Variants in STRBP observed in about 807,000 individuals in gnomAD.
STRBP encodes the protein spermatid perinuclear RNA-binding protein.
Under a neutral mutation model 80.1 loss-of-function variants are expected in STRBP, and 13 were observed. The ratio of observed to expected loss-of-function variants is 0.16; its 90% CI spans 0.11 to 0.26. STRBP has a LOEUF of 0.26. Among genes scored for constraint, STRBP ranks in the 10% least tolerant of loss-of-function variants. The pLI, the probability that STRBP is intolerant of heterozygous loss-of-function variation, is 1.00. For synonymous variants in STRBP, 284 were observed against 291.2 expected (o/e 0.98, Z 0.25); for missense variants, 485 against 815.2 (o/e 0.59, Z 4.93).
intron 6 of STRBP, among the ~76,000 whole-genome samples, chr9:123,167,898 T>C (rs1286408708): frequency 6.6e-6 from 1 of 151,846 alleles, no homozygotes; most frequent in Non-Finnish European, 1.5e-5. Flanking sequence ...GTTAAAGTTA[T>C]AAAGGCAACA....
At chr9:123,233,242 T>A (rs1168364519) in intron 2 of STRBP, among the ~76,000 whole-genome samples, 2 of 152,040 alleles carry the variant, frequency 1.3e-5, no homozygotes, top group East Asian at 3.9e-4. Flanking sequence ...CTGGCTAATT[T>A]CTTTATTTTT....
intron 8 of STRBP, among the ~76,000 whole-genome samples, 197 bp from the exon 9 acceptor site, chr9:123,159,404 T>G (rs1306589636): frequency 6.6e-6 from 1 of 152,200 alleles, no homozygotes; most frequent in Non-Finnish European, 1.5e-5. Flanking sequence ...AATTTTAAGA[T>G]CGTATCTTCA....
At chr9:123,221,486 C>T (rs1302263905) in intron 2 of STRBP, among the ~76,000 whole-genome samples, 4 of 152,202 alleles carry the variant, frequency 2.6e-5, no homozygotes, top group Non-Finnish European at 5.9e-5. Context: ...AAAATCTACA[C>T]TTTGAAAACA....
chr9:123,218,524 C>T (rs1340251094), intron 2 of STRBP, among the ~76,000 whole-genome samples: 6 of 150,926 alleles, frequency 4.0e-5, no homozygotes, highest in Non-Finnish European at 7.4e-5. Flanking sequence ...CGCCCGCCAC[C>T]GCGCCCGGCT....
chr9:123,115,574 CCTT>C lies in STRBP; in HGVS notation c.*84+352_*84+354del. The C allele has an allele frequency of 8.5e-6, 3 of 353,704 alleles. No homozygotes were observed. The highest frequency in any genetic ancestry group is 6.5e-5 in the South Asian group (3 of 46,038). 21.9% of individuals were successfully genotyped at this position (353,704 alleles called of 1,614,324 possible). ...GATTCTGACATTTTCTCCAACTGCT[CCTT>C]CTCCCCCATCACAGAGCCTGGTAAG... On this transcript the variant is annotated intron_variant and NMD_transcript_variant, in intron 3 of 3. Transcript: ENST00000471564. The surrounding 1 kb of genome is among the most constrained non-coding windows in gnomAD (Gnocchi z 5.0).
At chr9:123,144,461 A>G (rs998996778) in intron 13 of STRBP, among the ~76,000 whole-genome samples, 2 of 152,174 alleles carry the variant, frequency 1.3e-5, no homozygotes, top group Non-Finnish European at 2.9e-5. Flanking sequence ...ACTAAAGACT[A>G]AAAATAGCCC....
intron 1 of STRBP, among the ~76,000 whole-genome samples, chr9:123,254,934 G>A (rs371619482): frequency 2.0e-5 from 3 of 152,158 alleles, no homozygotes; most frequent in South Asian, 4.1e-4. Flanking sequence ...AAACGTAGCC[G>A]GTGAATTGCA....
At chr9:123,198,052 T>C (rs1008166792) in intron 2 of STRBP, among the ~76,000 whole-genome samples, 2 of 152,170 alleles carry the variant, frequency 1.3e-5, no homozygotes, top group Non-Finnish European at 2.9e-5. Flanking sequence ...TCCCTGGTGA[T>C]TAGTGATGTT....
intron 2 of STRBP, among the ~76,000 whole-genome samples, chr9:123,235,003 G>C (rs1350878667): frequency 6.8e-6 from 1 of 147,280 alleles, no homozygotes; most frequent in Admixed American, 6.7e-5. Flanking sequence ...TTTTGGGGGG[G>C]GGGGGTACTG....
At chr9:123,226,004 G>A (rs1337060778) in intron 2 of STRBP, among the ~76,000 whole-genome samples, 1 of 152,084 alleles carries the variant, frequency 6.6e-6, no homozygotes, top group African/African-American at 2.4e-5. Context: ...ACTCATAATG[G>A]CCAAAAACTA....
chr9:123,196,623 T>C (rs376915325), intron 2 of STRBP, among the ~76,000 whole-genome samples: 1 of 152,076 alleles, frequency 6.6e-6, no homozygotes. Flanking sequence ...GGCAAACAGG[T>C]GTATGAAATG....
At chr9:123,164,167 T>G (rs1391364912) in intron 6 of STRBP, among the ~76,000 whole-genome samples, 1 of 152,150 alleles carries the variant, frequency 6.6e-6, no homozygotes, top group African/African-American at 2.4e-5. Flanking sequence ...TGCCTTGGCC[T>G]CCCGAACAGC....
At position 123,181,800 on chromosome 9, in the gene STRBP, CAAAAAAAAAAAAAAAAAAAAAAA is replaced by C. The variant is rs56785428; in HGVS notation, c.3+2309_3+2331del. ...CAGCAACAAGAGCAAAACTTCGTCT[CAAAAAAAAAAAAAAAAAAAAAAA>C]AAAAAAAAAAAAAGAAACAGTAACA... On this transcript the variant is annotated intron_variant, in intron 3 of 18. Transcript: ENST00000348403. Among the ~76,000 whole-genome samples, 6 of 25,778 alleles carry C rather than the reference CAAAAAAAAAAAAAAAAAAAAAAA, an allele frequency of 2.3e-4. 1 individual carries two copies. Among genetic ancestry groups the C allele is most frequent in the African/African-American group, 8.8e-4 (5 of 5,680 alleles). 16.9% of individuals were successfully genotyped at this position (25,778 alleles called of 152,430 possible). A position where few individuals can be genotyped will look rare whatever the true frequency, so the allele number is the denominator to read the frequency against.
chr9:123,234,118 A>G lies in STRBP; in HGVS notation c.-165+2712T>C, dbSNP rs187546260. 6.3e-3 allele frequency among the ~76,000 whole-genome samples: 946 copies of G among 151,218 alleles called. 15 individuals carry two copies. Among genetic ancestry groups the G allele is most frequent in the African/African-American group, 0.022 (888 of 41,192 alleles). On this transcript the variant is annotated intron_variant, in intron 2 of 18. Transcript: ENST00000348403. ...CAGGAGGCTGAGGCAGGAGAATGGCATGAACCCGGGAGGCAGAGTTTGTGG... is the reference window on the plus strand; with the variant it reads ...CAGGAGGCTGAGGCAGGAGAATGGCGTGAACCCGGGAGGCAGAGTTTGTGG...
chr9:123,212,646 GAAT>G (rs1264082260), intron 2 of STRBP: 2 of 152,122 alleles, frequency 1.3e-5, no homozygotes, highest in African/African-American at 4.8e-5. Context: ...TGACTATCAA[GAAT>G]ATTATCCACA....
At position 123,155,939 on chromosome 9, in the gene STRBP, C is replaced by T. The variant is rs182842895; in HGVS notation, c.1045+2073G>A. On this transcript the variant is annotated intron_variant, in intron 11 of 18. Transcript: ENST00000348403. ...GAGAGATCATTGTATAGCCAAAGCA[C>T]AAAATGGTAAAGTGACTTGCCCAGG... 8.1e-4 allele frequency among the ~76,000 whole-genome samples: 123 copies of T among 151,926 alleles called. 2 individuals are homozygous for T. The highest frequency in any genetic ancestry group is 3.2e-4 in the Non-Finnish European group (22 of 67,978).
At chr9:123,164,133 C>T (rs1177037480) in intron 6 of STRBP, among the ~76,000 whole-genome samples, 1 of 152,116 alleles carries the variant, frequency 6.6e-6, no homozygotes, top group Non-Finnish European at 1.5e-5. Context: ...GCAACCTCCG[C>T]CTCCCGGGCT....
At chr9:123,208,543 C>T (rs1294088834) in intron 2 of STRBP, among the ~76,000 whole-genome samples, 2 of 152,190 alleles carry the variant, frequency 1.3e-5, no homozygotes, top group Non-Finnish European at 2.9e-5. Flanking sequence ...GTGGGCCACA[C>T]AGTCTCTGTG....
intron 1 of STRBP, among the ~76,000 whole-genome samples, chr9:123,265,055 A>C (rs2041239424): frequency 6.6e-6 from 1 of 152,216 alleles, no homozygotes; most frequent in South Asian, 2.1e-4. Flanking sequence ...CAAAATACTC[A>C]GAGTTTCAAT....
Sources: gnomAD v4.1 joint callset for allele counts (sites outside exome capture counted in the v4.1 genomes callset) on GRCh38, gnomAD v4.1.1 for gene constraint, Gnocchi (gnomAD v3.1) non-coding constraint, MANE v1.5 for transcripts, NCBI Gene and HGNC (gene_info 2026-07-23, HGNC 2026-07-21) for gene names.